The following PRKD3 variants were observed in gnomAD, a reference collection of about 807,000 sequenced individuals.
PRKD3 encodes protein kinase D3, also known as serine/threonine-protein kinase D3.
In PRKD3, 47 loss-of-function variants were observed where a neutral mutation model predicts 99.2. That is an observed-to-expected ratio of 0.47 (90% confidence interval 0.38 to 0.60). The LOEUF is 0.60. Ranked by LOEUF, PRKD3 falls within the 20% of genes least tolerant of loss-of-function variation. The pLI, the probability that PRKD3 is intolerant of heterozygous loss-of-function variation, is 0.00. For missense variants in PRKD3, 1,019 were observed against 1,088.4 expected, an observed-to-expected ratio of 0.94 and a Z score of 0.90; for synonymous variants, 392 against 355.4, an observed-to-expected ratio of 1.10 and a Z score of -1.16.
chr2:37,260,322 A>C lies in PRKD3; in HGVS notation c.1947T>G (p.Phe649Leu). ...ECMFETPERVFVVMEKLHGDM... is the reference protein window; with the variant it reads ...ECMFETPERVLVVMEKLHGDM... ...CTCCATGCAGCTTTTCCATTACTAC[A>C]AAGACTCGTTCTGGGGTTTCAAACA... The change falls in exon 15 of 19, where the codon TTT (phenylalanine) becomes TTG (leucine). Residue 649 changes from phenylalanine to leucine, a missense_variant. Phe to Leu is a conservative substitution (Grantham distance 22). Around this residue, in one of 3 missense-constraint regions of PRKD3, gnomAD observed 184 missense variants for 275.1 expected, o/e 0.67. Coordinates refer to ENST00000234179, the MANE Select transcript of PRKD3 (RefSeq NM_005813.6). 1 of 1,609,734 alleles carries C rather than the reference A, an allele frequency of 6.2e-7. No individual in the cohort carries two copies. The highest frequency in any genetic ancestry group is 2.2e-5 in the East Asian group (1 of 44,850).
chr2:37,294,799 A>G (rs1309847526), intron 2 of PRKD3, among the ~76,000 whole-genome samples: 2 of 152,196 alleles, frequency 1.3e-5, no homozygotes, highest in Non-Finnish European at 2.9e-5. Context: ...CTAAGGCCAG[A>G]TGCACTGGCT....
intron 4 of PRKD3, among the ~76,000 whole-genome samples, chr2:37,290,298 G>A (rs1242005373): frequency 6.6e-6 from 1 of 151,964 alleles, no homozygotes; most frequent in Middle Eastern, 3.4e-3. Context: ...GTGCAATCTC[G>A]GCTCCCTGCA....
intron 8 of PRKD3, chr2:37,279,371 T>G (rs1377120260): frequency 6.4e-6 from 1 of 156,386 alleles, no homozygotes; most frequent in East Asian, 1.9e-4. Flanking sequence ...TTATTGCCAT[T>G]TCTACTACCA....
In PRKD3 at chr2:37,253,075, T is replaced by C; in HGVS notation, c.*102A>G. The C allele has an allele frequency of 9.1e-6, 11 of 1,213,888 alleles. No individual in the cohort carries two copies. Among genetic ancestry groups the C allele is most frequent in the Non-Finnish European group, 1.3e-5 (11 of 878,936 alleles). 75.2% of individuals were successfully genotyped at this position (1,213,888 alleles called of 1,614,324 possible). A position where few individuals can be genotyped will look rare whatever the true frequency, so the allele number is the denominator to read the frequency against. ...ACTTATTCGTTATCATATTTCTTCA[T>C]ATCTTTGCAGCACTGCAGATGACAA... On this transcript the variant is annotated 3_prime_UTR_variant, in exon 19 of 19. Coordinates refer to ENST00000234179, the MANE Select transcript of PRKD3 (RefSeq NM_005813.6).
intron 2 of PRKD3, among the ~76,000 whole-genome samples, chr2:37,313,098 T>C (rs1033274981): frequency 2.6e-5 from 4 of 152,192 alleles, no homozygotes; most frequent in Non-Finnish European, 5.9e-5. Context: ...TTATATAAAC[T>C]AGAACAGGGA....
intron 13 of PRKD3, 192 bp from the exon 14 acceptor site, chr2:37,267,728 C>A: frequency 1.9e-6 from 1 of 513,236 alleles, no homozygotes; most frequent in Non-Finnish European, 3.4e-6. Context: ...TAATATTTGC[C>A]CCTAATAAAG....
chr2:37,310,112 A>G (rs1671358073), intron 2 of PRKD3, among the ~76,000 whole-genome samples: 1 of 152,120 alleles, frequency 6.6e-6, no homozygotes, highest in Non-Finnish European at 1.5e-5. Flanking sequence ...TGACATATGT[A>G]TATATTCTAT....
Position 37,290,986 on chromosome 2 carries a change from T to A in PRKD3, c.441A>T (p.Val147=), listed in dbSNP as rs780647947. The part of the protein sequence containing the change: ...VEVVLSALAT[V]EDFQIRPHTL... ...TATGTGGACGAATCTGGAAGTCTTC[T>A]ACTGTGGCTAAAGCTTTAAAAAAGA... Residue 147 remains valine, a synonymous_variant, in exon 4 of 19, where the codon GTA becomes GTT. Coordinates refer to ENST00000234179, the MANE Select transcript of PRKD3 (RefSeq NM_005813.6). 1.2e-6 allele frequency: 2 copies of A among 1,606,714 alleles called. No homozygotes were observed. The highest frequency in any genetic ancestry group is 3.4e-5 in the Admixed American group (2 of 58,482).
At position 37,278,485 on chromosome 2, in the gene PRKD3, T is replaced by C. The variant is rs531135888; in HGVS notation, c.1173-496A>G. 3 of 152,450 alleles carry C rather than the reference T, an allele frequency of 2.0e-5. No homozygotes were observed. The East Asian group carries it at 5.8e-4, about 29-fold the overall frequency. 9.4% of individuals were successfully genotyped at this position (152,450 alleles called of 1,614,324 possible). On this transcript the variant is annotated intron_variant, in intron 8 of 18. Transcript: ENST00000234179. ...CTAGAAGGTATTTAAAGGAAAATGA[T>C]TTACAGATACTAATTAAGAAAATGT...
chr2:37,316,642 CTTTA>C lies in PRKD3; in HGVS notation c.-122_-119del. On this transcript the variant is annotated 5_prime_UTR_variant, in exon 2 of 19. The change creates a premature stop within an existing upstream ORF in the 5' untranslated region. Coordinates refer to ENST00000234179, the MANE Select transcript of PRKD3 (RefSeq NM_005813.6). Reference sequence around the variant, plus strand: ...CACTTTTGGATTTAGTTGAAAACTTCTTTATTTCCTCTGTTAAGCCACTCATGCC... The same window carrying C: ...CACTTTTGGATTTAGTTGAAAACTTCTTTCCTCTGTTAAGCCACTCATGCC... 6.8e-7 allele frequency: 1 copy of C among 1,472,684 alleles called. No homozygotes were observed. The highest frequency in any genetic ancestry group is 8.9e-7 in the Non-Finnish European group (1 of 1,120,116). The allele number at this position is 1,472,684 out of a possible 1,614,324, so 91.2% of individuals were successfully genotyped here.
At chr2:37,316,032 T>C (rs549970402) in intron 2 of PRKD3, among the ~76,000 whole-genome samples, 2 of 152,296 alleles carry the variant, frequency 1.3e-5, no homozygotes, top group African/African-American at 4.8e-5. Flanking sequence ...GCCAAATAAA[T>C]GTATTTTAAA....
chr2:37,320,179 G>A (rs1200732776), intron 1 of PRKD3, among the ~76,000 whole-genome samples: 1 of 152,140 alleles, frequency 6.6e-6, no homozygotes, highest in African/African-American at 2.4e-5. Flanking sequence ...TTTTAGAGAA[G>A]CTGTTGTTTG....
At chr2:37,282,496 A>G in intron 7 of PRKD3, 46 bp downstream of exon 7, 3 of 1,194,544 alleles carry the variant, frequency 2.5e-6, no homozygotes, top group South Asian at 1.2e-5. Flanking sequence ...CCAAAGAATC[A>G]TGGCCTTTTC....
chr2:37,258,357 ACT>A (rs1374066191), intron 16 of PRKD3, among the ~76,000 whole-genome samples: 1 of 152,152 alleles, frequency 6.6e-6, no homozygotes, highest in Non-Finnish European at 1.5e-5. Context: ...AGAAATACAA[ACT>A]CTTTTTTTGT....
At chr2:37,280,705 A>C (rs1669816619) in intron 7 of PRKD3, among the ~76,000 whole-genome samples, 1 of 152,210 alleles carries the variant, frequency 6.6e-6, no homozygotes, top group Admixed American at 6.5e-5. Context: ...TTGGTTAGGC[A>C]AAGCTTTCTT....
chr2:37,281,203 C>T (rs1236150532), intron 7 of PRKD3, among the ~76,000 whole-genome samples: 1 of 152,036 alleles, frequency 6.6e-6, no homozygotes, highest in African/African-American at 2.4e-5. Flanking sequence ...GAACATCTCA[C>T]TAGTAATCAA....
chr2:37,307,863 G>C (rs1470670955), intron 2 of PRKD3, among the ~76,000 whole-genome samples: 1 of 152,208 alleles, frequency 6.6e-6, no homozygotes, highest in Non-Finnish European at 1.5e-5. Flanking sequence ...ATCTGTTAGA[G>C]ATATTTTCTT....
chr2:37,317,772 A>T (rs1671727844), intron 1 of PRKD3: 1 of 152,192 alleles, frequency 6.6e-6, no homozygotes, highest in South Asian at 2.1e-4. Flanking sequence ...GGAACATAAG[A>T]GAAAGGGATC....
intron 1 of PRKD3, among the ~76,000 whole-genome samples, chr2:37,318,332 T>C (rs1475614410): frequency 6.6e-6 from 1 of 152,232 alleles, no homozygotes; most frequent in Non-Finnish European, 1.5e-5. Flanking sequence ...TTACAAATGT[T>C]TCACATACTT....
Sources: allele counts gnomAD v4.1 joint callset (sites outside exome capture counted in the v4.1 genomes callset), GRCh38; gene constraint gnomAD v4.1.1; regional missense constraint gnomAD v4.1.1; transcripts MANE v1.5; gene names NCBI Gene and HGNC (gene_info 2026-07-23, HGNC 2026-07-21).